The following COG1 variants were observed in gnomAD, a reference collection of about 807,000 sequenced individuals.
The protein encoded by COG1 is conserved oligomeric Golgi complex subunit 1.
COG1 carries 61 observed loss-of-function variants against 102.2 expected under a neutral mutation model. The ratio of observed to expected loss-of-function variants is 0.60; its 90% CI spans 0.49 to 0.74. COG1 has a LOEUF of 0.74. Ranked by LOEUF, COG1 falls within the 30% of genes least tolerant of loss-of-function variation. The pLI is 0.00. For missense variants in COG1, 1,164 were observed against 1,232.1 expected, an observed-to-expected ratio of 0.94 and a Z score of 0.83; for synonymous variants, 454 against 493.6, an observed-to-expected ratio of 0.92 and a Z score of 1.06.
chr17:73,205,885 T>C (rs1462314675), intron 10 of COG1: 2 of 723,200 alleles, frequency 2.8e-6, no homozygotes, highest in African/African-American at 1.7e-5. Context: ...TGGACTCTTA[T>C]TCCCCTCTCT....
intron 10 of COG1, 30 bp downstream of exon 10, chr17:73,205,710 G>A (rs1224987303): frequency 1.2e-6 from 2 of 1,612,582 alleles, no homozygotes; most frequent in African/African-American, 1.3e-5. Flanking sequence ...GCTATGTCAA[G>A]GCGGTCTCTT....
In COG1 at chr17:73,206,228, A is replaced by T; in HGVS notation, c.2585A>T (p.Asn862Ile). The change falls in exon 11 of 14, where the codon AAC (asparagine) becomes ATC (isoleucine). Residue 862 changes from asparagine to isoleucine, a missense_variant. Transcript: ENST00000299886. ...FDLDVFTPHL[N>I]SNLHRLVQRT... is the part of the protein sequence containing the mutation. ...CTGGACGTTTTCACGCCACACCTCA[A>T]CAGCAACCTTCATCGCCTGGTGCAG... 6.2e-7 allele frequency: 1 copy of T among 1,614,126 alleles called. No individual in the cohort carries two copies. The highest frequency in any genetic ancestry group is 8.5e-7 in the Non-Finnish European group (1 of 1,179,982).
rs545624165 is a variant in COG1, at chr17:73,207,856, G to A, written c.2806-458G>A. On this transcript the variant is annotated intron_variant, in intron 13 of 13. Transcript: ENST00000299886. ...ACAATATTAGCAGTGTATCCTTTCC[G>A]TATTCCCTACCATCGAACCCATTAA... 134 of 1,219,340 alleles carry A rather than the reference G, an allele frequency of 1.1e-4. No homozygotes were observed. In the African/African-American group the frequency reaches 1.6e-3, roughly 15 times the overall value. 75.5% of individuals were successfully genotyped at this position (1,219,340 alleles called of 1,614,324 possible).
Position 73,197,006 on chromosome 17 carries a change from C to T in COG1, c.667C>T (p.Pro223Ser). 1 of 1,614,192 alleles carries T rather than the reference C, an allele frequency of 6.2e-7. No homozygotes were observed. Among genetic ancestry groups the T allele is most frequent in the East Asian group, 2.2e-5 (1 of 44,880 alleles). Residue 223 changes from proline (P) to serine (S), a missense_variant, in exon 3 of 14, where the codon CCT (proline) becomes TCT (serine). Pro to Ser is a moderately conservative substitution (Grantham distance 74, BLOSUM62 -1). Coordinates refer to ENST00000299886, the MANE Select transcript of COG1 (RefSeq NM_018714.3). ...TATAATGCTCTTAGAAGAGAGTTCT[C>T]CTCGCCAAGCCCTCACAGACTTCCT... is the stretch of plus-strand genomic sequence containing the variant. ...CSIMLLEESS[P>S]RQALTDFLLA...
intron 13 of COG1, chr17:73,208,047 G>A: frequency 7.3e-7 from 1 of 1,368,520 alleles, no homozygotes; most frequent in Non-Finnish European, 9.4e-7. Flanking sequence ...CCCACATTAG[G>A]TTAGCAGGCT....
At position 73,203,410 on chromosome 17, in the gene COG1, A is replaced by G; in HGVS notation, c.2221-222A>G. The G allele has an allele frequency of 4.3e-6, 3 of 704,838 alleles. No homozygotes were observed. The South Asian group carries it at 5.4e-5, about 13-fold the overall frequency. 43.7% of individuals were successfully genotyped at this position (704,838 alleles called of 1,614,324 possible). A position where few individuals can be genotyped will look rare whatever the true frequency, so the allele number is the denominator to read the frequency against. ...TGCCGTGAAATCAGCAGCATAAAAC[A>G]CAGGCACCTCTTCGAGATCAGCCTC... On this transcript the variant is annotated intron_variant, in intron 8 of 13. Transcript: ENST00000299886.
chr17:73,198,256 A>C (rs1233115392), intron 4 of COG1, among the ~76,000 whole-genome samples: 3 of 152,140 alleles, frequency 2.0e-5, no homozygotes, highest in African/African-American at 7.2e-5. Flanking sequence ...GTGAGAAGGG[A>C]GGTGACCAAG....
intron 9 of COG1, among the ~76,000 whole-genome samples, chr17:73,204,095 C>T (rs147507175): frequency 6.6e-6 from 1 of 152,254 alleles, no homozygotes; most frequent in Non-Finnish European, 1.5e-5. Flanking sequence ...TGGGAGTTCA[C>T]GGCTGCAATG....
intron 12 of COG1, 45 bp downstream of exon 12, chr17:73,206,862 A>G: frequency 7.6e-7 from 1 of 1,321,210 alleles, no homozygotes; most frequent in African/African-American, 1.4e-5. Context: ...CGGGAGGCCA[A>G]GGTGGACGGA....
Position 73,202,989 on chromosome 17 carries a change from T to C in COG1, c.2074-11T>C. ...GAGTGGCTTGTATGGATATCTGCCTTTTATTACCAGGTTTTGATTCATGGA... is the reference window on the plus strand; with the variant it reads ...GAGTGGCTTGTATGGATATCTGCCTCTTATTACCAGGTTTTGATTCATGGA... On this transcript the variant is annotated splice_polypyrimidine_tract_variant and intron_variant, in intron 7 of 13. Transcript: ENST00000299886. 1 of 1,614,090 alleles carries C rather than the reference T, an allele frequency of 6.2e-7. No homozygotes were observed. The highest frequency in any genetic ancestry group is 8.5e-7 in the Non-Finnish European group (1 of 1,179,954).
Position 73,193,285 on chromosome 17 carries a change from C to T in COG1, c.216C>T (p.Cys72=), listed in dbSNP as rs745589792. The part of the protein sequence containing the change: ...AADTIGQMRR[C]AVGLVDAVKA... ...ACACCATCGGCCAGATGCGCCGCTG[C>T]GCCGTGGGGCTAGTGGACGCCGTGA... Residue 72 remains cysteine, a synonymous_variant, in exon 1 of 14, where the codon TGC becomes TGT. Transcript: ENST00000299886. 4 of 1,600,626 alleles carry T rather than the reference C, an allele frequency of 2.5e-6. No individual in the cohort carries two copies. The highest frequency in any genetic ancestry group is 3.4e-6 in the Non-Finnish European group (4 of 1,175,112).
At chr17:73,196,395 C>G in intron 1 of COG1, 112 bp from the exon 2 acceptor site, 1 of 1,520,832 alleles carries the variant, frequency 6.6e-7, no homozygotes, top group Non-Finnish European at 9.1e-7. Context: ...CTGAACCCAG[C>G]TTAATAGAAG....
intron 7 of COG1, among the ~76,000 whole-genome samples, chr17:73,202,287 C>T (rs986417462): frequency 1.2e-4 from 18 of 152,004 alleles, no homozygotes; most frequent in Admixed American, 1.0e-3. Flanking sequence ...TGCAGTGAGC[C>T]GAGATCGCAC....
At position 73,201,886 on chromosome 17, in the gene COG1, A is replaced by G. The variant is rs770966718; in HGVS notation, c.2059A>G (p.Ser687Gly). The G allele has an allele frequency of 1.2e-6, 2 of 1,614,190 alleles. No homozygotes were observed. The highest frequency in any genetic ancestry group is 1.7e-6 in the Non-Finnish European group (2 of 1,180,032). ...QSVMGYQVWS[S>G]AVVKVLIHGF... The stretch of plus-strand genomic sequence containing the variant: ...CGTGATGGGCTACCAGGTCTGGAGC[A>G]GTGCAGTTGTGAAAGTGAGTGATGT... The change falls in exon 7 of 14, where the codon AGT (serine) becomes GGT (glycine). Residue 687 changes from serine (S) to glycine (G), a missense_variant. Transcript: ENST00000299886.
chr17:73,201,960 C>A, intron 7 of COG1, 60 bp downstream of exon 7: 3 of 1,458,822 alleles, frequency 2.1e-6, no homozygotes, highest in Non-Finnish European at 2.9e-6. Context: ...CCAGTCTTGC[C>A]AACCTCAATC....
chr17:73,193,861 C>T (rs2061313265), intron 1 of COG1, among the ~76,000 whole-genome samples: 1 of 152,112 alleles, frequency 6.6e-6, no homozygotes, highest in South Asian at 2.1e-4. Context: ...AATAGCTGTT[C>T]TACCCTTTGG....
intron 13 of COG1, 127 bp from the exon 14 acceptor site, chr17:73,208,187 A>G: frequency 1.3e-6 from 2 of 1,567,416 alleles, no homozygotes; most frequent in Non-Finnish European, 1.7e-6. Context: ...TCCTCTGACT[A>G]GAGCCATCGT....
rs566923837 is a variant in COG1, at chr17:73,193,446, G to A, written c.315+62G>A. On this transcript the variant is annotated intron_variant, in intron 1 of 13. Transcript: ENST00000299886. Reference sequence around the variant, plus strand: ...GGGTCCCGGAGCCCCTGGCCTTGCAGGTCAACCCCGCCCCCCTCTGTCAGT... The same window carrying A: ...GGGTCCCGGAGCCCCTGGCCTTGCAAGTCAACCCCGCCCCCCTCTGTCAGT... 2.1e-5 allele frequency: 29 copies of A among 1,372,700 alleles called. No individual in the cohort carries two copies. In the East Asian group the frequency reaches 7.8e-4, roughly 37 times the overall value. 85.0% of individuals were successfully genotyped at this position (1,372,700 alleles called of 1,614,324 possible).
In COG1 at chr17:73,205,759, G is replaced by A. The variant is rs2061368076; in HGVS notation, c.2510+79G>A. The A allele has an allele frequency of 3.2e-6, 5 of 1,571,920 alleles. No homozygotes were observed. The East Asian group carries it at 1.1e-4, about 35-fold the overall frequency. On this transcript the variant is annotated intron_variant, in intron 10 of 13. Transcript: ENST00000299886. ...GTCCCTTTGCTGGGAAGCCACCAGA[G>A]TCAGCCTGTTATACTGCACATTCAT...
Sources: allele counts gnomAD v4.1 joint callset (sites outside exome capture counted in the v4.1 genomes callset), GRCh38; gene constraint gnomAD v4.1.1; transcripts MANE v1.5; gene names NCBI Gene and HGNC (gene_info 2026-07-23, HGNC 2026-07-21).